Variants in DIAPH2 observed in about 807,000 individuals in gnomAD.
The protein encoded by DIAPH2 is protein diaphanous homolog 2.
In DIAPH2, 35 loss-of-function variants were observed where a neutral mutation model predicts 92.7. The ratio of observed to expected loss-of-function variants is 0.38; its 90% CI spans 0.29 to 0.50. The LOEUF is 0.50. DIAPH2 is among the 20% of genes least tolerant of loss of function. The pLI is 0.94. For synonymous variants in DIAPH2, 301 were observed against 280.4 expected (o/e 1.07, Z -0.73); for missense variants, 701 against 819.5 (o/e 0.86, Z 1.77).
chrX:96,745,394 A>C (rs2064144285), intron 3 of DIAPH2, among the ~76,000 whole-genome samples: 1 of 112,098 alleles, frequency 8.9e-6, no homozygotes, highest in East Asian at 2.8e-4. Context: ...ATTACCTTAC[A>C]ATTTACTATT....
At chrX:97,295,770 C>T (rs1372138114) in intron 23 of DIAPH2, among the ~76,000 whole-genome samples, 4 of 98,565 alleles carry the variant, frequency 4.1e-5, no homozygotes, top group Admixed American at 1.2e-4. Context: ...TCACTTTTGT[C>T]GCCTATGCTG....
At chrX:97,104,947 G>A (rs1569302204) in intron 20 of DIAPH2, among the ~76,000 whole-genome samples, 1 of 111,725 alleles carries the variant, frequency 9.0e-6, no homozygotes, top group African/African-American at 3.3e-5. Flanking sequence ...GACCTGCCTG[G>A]CCAACATGGC....
At chrX:97,057,507 T>TG (rs2066565454) in intron 17 of DIAPH2, among the ~76,000 whole-genome samples, 1 of 111,894 alleles carries the variant, frequency 8.9e-6, no homozygotes, top group Admixed American at 9.5e-5. Context: ...GGTCTGTCTG[T>TG]ACTTGGTGTG....
At chrX:97,454,651 C>T (rs1055280648) in intron 26 of DIAPH2, among the ~76,000 whole-genome samples, 2 of 110,491 alleles carry the variant, frequency 1.8e-5, no homozygotes, top group African/African-American at 3.3e-5. Context: ...GTCATGAGAT[C>T]GAGACTATCC....
At chrX:97,516,251 T>A (rs2070947410) in intron 26 of DIAPH2, among the ~76,000 whole-genome samples, 1 of 106,701 alleles carries the variant, frequency 9.4e-6, no homozygotes, top group East Asian at 3.0e-4. Flanking sequence ...CGAGACACCA[T>A]CTCAAAAAAA....
At chrX:97,194,442 C>A (rs376436606) in intron 22 of DIAPH2, among the ~76,000 whole-genome samples, 1 of 109,757 alleles carries the variant, frequency 9.1e-6, no homozygotes, top group Non-Finnish European at 1.9e-5. Context: ...CCACCAAGCC[C>A]GGCTAATTTC....
Position 97,602,294 on chromosome X carries a change from C to CAAAT in DIAPH2, c.*2979_*2982dup, listed in dbSNP as rs1040909741. ...TCAATCCTAAGTCCAAAATTTCATTCAAATATCATCGGTTCAAAAGTTCCA... is the reference window on the plus strand; with the variant it reads ...TCAATCCTAAGTCCAAAATTTCATTCAAATAAATATCATCGGTTCAAAAGTTCCA... On this transcript the variant is annotated 3_prime_UTR_variant, in exon 27 of 27. Coordinates refer to ENST00000324765, the MANE Select transcript of DIAPH2 (RefSeq NM_006729.5). The CAAAT allele has an allele frequency of 2.7e-5, 3 of 112,188 alleles. No individual in the cohort carries two copies. Among genetic ancestry groups the CAAAT allele is most frequent in the Non-Finnish European group, 5.6e-5 (3 of 53,257 alleles). The allele number at this position is 112,188 out of a possible 1,213,427, so 9.2% of individuals were successfully genotyped here. A position where few individuals can be genotyped will look rare whatever the true frequency, so the allele number is the denominator to read the frequency against.
chrX:97,001,973 G>C (rs1241743521), intron 17 of DIAPH2, among the ~76,000 whole-genome samples: 2 of 110,160 alleles, frequency 1.8e-5, no homozygotes, highest in African/African-American at 6.6e-5. Context: ...CCCAAGATCA[G>C]ACAGAGAAGT....
At chrX:96,720,604 C>G (rs2063983335) in intron 1 of DIAPH2, among the ~76,000 whole-genome samples, 1 of 111,423 alleles carries the variant, frequency 9.0e-6, no homozygotes, top group African/African-American at 3.3e-5. Context: ...AGAACATTCT[C>G]ATTGGTCATG....
At chrX:96,703,099 G>A (rs2063864551) in intron 1 of DIAPH2, among the ~76,000 whole-genome samples, 1 of 111,685 alleles carries the variant, frequency 9.0e-6, no homozygotes, top group African/African-American at 3.3e-5. Context: ...AGTTAGTCTA[G>A]TAAAGCCCAG....
intron 17 of DIAPH2, among the ~76,000 whole-genome samples, chrX:97,054,929 A>G (rs1009029280): frequency 9.0e-6 from 1 of 111,568 alleles, no homozygotes; most frequent in Admixed American, 9.5e-5. Flanking sequence ...GCTCTTCTAT[A>G]CACCCTAATA....
chrX:96,717,797 T>A (rs1409763986), intron 1 of DIAPH2, among the ~76,000 whole-genome samples: 1 of 85,905 alleles, frequency 1.2e-5, no homozygotes, highest in Non-Finnish European at 2.2e-5. Flanking sequence ...ATATGTTTTT[T>A]AATTTTTGTG....
At chrX:97,450,535 T>C (rs921742836) in intron 26 of DIAPH2, among the ~76,000 whole-genome samples, 1 of 111,572 alleles carries the variant, frequency 9.0e-6, no homozygotes, top group African/African-American at 3.3e-5. Context: ...GTAAGAGCAC[T>C]AGTTGCCACT....
At chrX:97,532,422 C>T (rs969728075) in intron 26 of DIAPH2, among the ~76,000 whole-genome samples, 14 of 112,577 alleles carry the variant, frequency 1.2e-4, no homozygotes, top group South Asian at 3.7e-4. Context: ...TAGGCCAAAT[C>T]TTAAGTGTCA....
At chrX:96,731,400 A>G (rs1343978345) in intron 1 of DIAPH2, among the ~76,000 whole-genome samples, 2 of 111,970 alleles carry the variant, frequency 1.8e-5, no homozygotes, top group Non-Finnish European at 3.8e-5. Context: ...TTTCTTTAAG[A>G]GAGAAGAAAA....
chrX:97,290,976 G>A (rs1482098642), intron 23 of DIAPH2, among the ~76,000 whole-genome samples: 1 of 109,676 alleles, frequency 9.1e-6, no homozygotes, highest in Non-Finnish European at 1.9e-5. Flanking sequence ...CCCAGCTACT[G>A]TAGAGGCTGA....
chrX:96,841,708 C>G (rs1395465737), intron 4 of DIAPH2, among the ~76,000 whole-genome samples: 2 of 111,991 alleles, frequency 1.8e-5, no homozygotes, highest in Non-Finnish European at 1.9e-5. Flanking sequence ...AGCACTCTAG[C>G]CTGATTGTTA....
intron 2 of DIAPH2, among the ~76,000 whole-genome samples, chrX:96,737,114 G>A (rs1419184665): frequency 1.8e-5 from 2 of 111,883 alleles, no homozygotes; most frequent in African/African-American, 6.5e-5. Flanking sequence ...GACTGGGATA[G>A]GAACCAGGGG....
At chrX:96,793,495 T>C in intron 4 of DIAPH2, 1 of 297,195 alleles carries the variant, frequency 3.4e-6, no homozygotes, top group South Asian at 3.2e-5. Flanking sequence ...ACAACAGAAA[T>C]GAAACTTATT....
Sources: gnomAD v4.1 joint callset for allele counts (sites outside exome capture counted in the v4.1 genomes callset) on GRCh38, gnomAD v4.1.1 for gene constraint, MANE v1.5 for transcripts, NCBI Gene and HGNC (gene_info 2026-07-23, HGNC 2026-07-21) for gene names.